Variants in NISCH observed in about 807,000 individuals in gnomAD.
NISCH encodes I-1 receptor candidate protein.
NISCH carries 55 observed loss-of-function variants against 138.4 expected under a neutral mutation model. That is an observed-to-expected ratio of 0.40 (90% CI 0.32 to 0.50). The LOEUF (loss-of-function observed/expected upper bound fraction) is 0.50. Among genes scored for constraint, NISCH ranks in the 20% least tolerant of loss-of-function variants. NISCH has a pLI of 0.71. For missense variants in NISCH, 1,643 were observed against 2,005.5 expected (o/e 0.82, Z 3.45); for synonymous variants, 860 against 861.5 (o/e 1.00, Z 0.03).
intron 13 of NISCH, 51 bp from the exon 14 acceptor site, chr3:52,484,462 T>TGGGCCCCC: frequency 3.0e-4 from 238 of 788,662 alleles, no homozygotes; most frequent in Middle Eastern, 4.5e-4. Context: ...ACAGCCGCTC[T>TGGGCCCCC]CCCCGCCCCA....
chr3:52,477,460 C>T (rs1382891939), intron 8 of NISCH, 114 bp from the exon 9 acceptor site: 8 of 821,032 alleles, frequency 9.7e-6, no homozygotes, highest in South Asian at 1.5e-5. Context: ...AGGGACGGCC[C>T]GTGGGAGTCC....
At chr3:52,477,670 C>T (rs775468778) in intron 9 of NISCH, 28 bp downstream of exon 9, 47 of 1,577,856 alleles carry the variant, frequency 3.0e-5, no homozygotes, top group African/African-American at 1.1e-4. Context: ...CAGTGCTGCC[C>T]GCACACACTC....
chr3:52,458,845 G>C lies in NISCH; in HGVS notation c.360+1G>C. The C allele has an allele frequency of 6.3e-7, 1 of 1,586,626 alleles. No individual in the cohort carries two copies. Among genetic ancestry groups the C allele is most frequent in the Non-Finnish European group, 8.6e-7 (1 of 1,169,276 alleles). Reference sequence around the variant, plus strand: ...CCACTTCTTGCATTTTCACTTCTATGTAAGTTCCTCATCGGGTTTTCACCT... The same window carrying C: ...CCACTTCTTGCATTTTCACTTCTATCTAAGTTCCTCATCGGGTTTTCACCT... On this transcript the variant is annotated splice_donor_variant, in intron 3 of 20. Transcript: ENST00000345716. LOFTEE classifies it high-confidence loss of function.
At chr3:52,472,534 G>A in intron 6 of NISCH, 136 bp downstream of exon 6, 1 of 736,164 alleles carries the variant, frequency 1.4e-6, no homozygotes, top group Non-Finnish European at 2.3e-6. Context: ...TTCTGCGTAG[G>A]TGACCAGGCC....
chr3:52,480,419 A>G, intron 13 of NISCH, 124 bp downstream of exon 13: 2 of 1,549,828 alleles, frequency 1.3e-6, no homozygotes, highest in Non-Finnish European at 1.7e-6. Flanking sequence ...CAGGGAGGGC[A>G]GTGCCTTCTG....
rs4687615 is a variant in NISCH, at chr3:52,464,641, C to G, written c.360+5797C>G. On this transcript the variant is annotated intron_variant, in intron 3 of 20. Transcript: ENST00000345716. Reference sequence around the variant, plus strand: ...TGGGGTTCAAGCGATTCTCGTGCCTCGGCCTCCCAAGTAGCTGGGACTACA... The same window carrying G: ...TGGGGTTCAAGCGATTCTCGTGCCTGGGCCTCCCAAGTAGCTGGGACTACA... Among the ~76,000 whole-genome samples the G allele has an allele frequency of 2.3e-4, 34 of 150,700 alleles. No individual in the cohort carries two copies. The Admixed American group carries it at 2.3e-3, about 10-fold the overall frequency.
chr3:52,492,512 G>A lies in NISCH; in HGVS notation c.*30G>A, dbSNP rs1707598352. 6.4e-7 allele frequency: 1 copy of A among 1,550,784 alleles called. No homozygotes were observed. Among genetic ancestry groups the A allele is most frequent in the Non-Finnish European group, 8.7e-7 (1 of 1,151,102 alleles). On this transcript the variant is annotated 3_prime_UTR_variant, in exon 21 of 21. Coordinates refer to ENST00000345716, the MANE Select transcript of NISCH (RefSeq NM_007184.4). ...GGCCACAGCCAGCCTGTCGTGTCCA[G>A]CCTGACGCCTACTGGGGCAGGGCAG... is the stretch of plus-strand genomic sequence containing the variant.
At chr3:52,491,547 G>T in intron 20 of NISCH, 34 bp downstream of exon 20, 1 of 1,587,676 alleles carries the variant, frequency 6.3e-7, no homozygotes, top group Non-Finnish European at 8.6e-7. Context: ...CAGACAGGCT[G>T]CCTGGACAGA....
rs142117162 is a variant in NISCH at position 52,487,905 on chromosome 3, G to A, written c.2413G>A (p.Ala805Thr). Residue 805 changes from alanine (A) to threonine (T), a missense_variant, in exon 16 of 21, where the codon GCG becomes ACG. Coordinates refer to ENST00000345716, the MANE Select transcript of NISCH (RefSeq NM_007184.4). This position sits in a 1 kb window ranked among gnomAD's most constrained non-coding sequence, Gnocchi z 9.1. ...CGCCGCCAACCTGCACGAGTTCCAC[G>A]CGGACCTGCGCTCATGCTTTGCACC... is the stretch of plus-strand genomic sequence containing the variant. The part of the protein sequence containing the change: ...SDAANLHEFH[A>T]DLRSCFAPQH... 37 of 1,611,538 alleles carry A rather than the reference G, an allele frequency of 2.3e-5. No individual in the cohort carries two copies. The highest frequency in any genetic ancestry group is 9.9e-5 in the South Asian group (9 of 91,058).
chr3:52,484,487 C>CCCCCCT, intron 13 of NISCH, 26 bp from the exon 14 acceptor site: 2 of 1,434,608 alleles, frequency 1.4e-6, no homozygotes, highest in South Asian at 1.3e-5. Flanking sequence ...CCCTGCCTGC[C>CCCCCCT]TGCCCACCCG....
chr3:52,458,073 A>C, intron 2 of NISCH, 147 bp downstream of exon 2: 1 of 588,088 alleles, frequency 1.7e-6, no homozygotes, highest in Non-Finnish European at 3.1e-6. Context: ...AACTGCGTTC[A>C]TTAATATAGC....
intron 3 of NISCH, among the ~76,000 whole-genome samples, chr3:52,460,678 A>AG (rs1188181855): frequency 1.3e-5 from 2 of 152,154 alleles, no homozygotes; most frequent in African/African-American, 4.8e-5. Context: ...CTTAGACTGT[A>AG]GGTGTGAGCC....
intron 5 of NISCH, 74 bp from the exon 6 acceptor site, chr3:52,472,229 C>G (rs907723554): frequency 4.3e-6 from 6 of 1,401,218 alleles, no homozygotes; most frequent in African/African-American, 1.4e-5. Flanking sequence ...TTGTCTTCAA[C>G]TTGTCAGCTG....
chr3:52,491,672 C>G, intron 20 of NISCH, 159 bp downstream of exon 20: 1 of 1,053,004 alleles, frequency 9.5e-7, no homozygotes, highest in Non-Finnish European at 1.4e-6. Flanking sequence ...GGCAGAGTCT[C>G]CACTCCAGCA....
chr3:52,479,707 T>TCACCAGTCCCCATGCTGATAGCCAC, intron 11 of NISCH, 42 bp from the exon 12 acceptor site: 1 of 1,405,244 alleles, frequency 7.1e-7, no homozygotes, highest in East Asian at 2.3e-5. Flanking sequence ...CTGATAGCCA[T>TCACCAGTCCCCATGCTGATAGCCAC]CACCAGTCCC....
chr3:52,471,182 A>G (rs1706935897), intron 4 of NISCH: 1 of 521,928 alleles, frequency 1.9e-6, no homozygotes, highest in Non-Finnish European at 3.4e-6. Context: ...GAAAGGGCTC[A>G]GATGGCAGAT....
intron 7 of NISCH, 144 bp from the exon 8 acceptor site, chr3:52,476,303 G>A (rs555787853): frequency 1.2e-6 from 1 of 829,970 alleles, no homozygotes; most frequent in South Asian, 1.7e-5. Context: ...AAAGACATAG[G>A]AACCAAAGGC....
chr3:52,471,700 C>G, intron 4 of NISCH, 114 bp from the exon 5 acceptor site: 1 of 1,318,238 alleles, frequency 7.6e-7, no homozygotes, highest in Non-Finnish European at 1.1e-6. Flanking sequence ...CTGGCTTTGC[C>G]CTGACACAGT....
chr3:52,460,369 C>G (rs910149292), intron 3 of NISCH, among the ~76,000 whole-genome samples: 24 of 150,628 alleles, frequency 1.6e-4, no homozygotes, highest in Non-Finnish European at 2.7e-4. Flanking sequence ...ATGCAACTTT[C>G]TTAAGCAGTA....
Sources: allele counts gnomAD v4.1 joint callset (sites outside exome capture counted in the v4.1 genomes callset), GRCh38; gene constraint gnomAD v4.1.1; non-coding constraint Gnocchi (gnomAD v3.1); transcripts MANE v1.5; gene names NCBI Gene and HGNC (gene_info 2026-07-23, HGNC 2026-07-21).